The following PAK3 variants were observed in gnomAD, a reference collection of about 807,000 sequenced individuals.
The protein encoded by PAK3 is p21 (RAC1) activated kinase 3.
A neutral mutation model predicts 41.0 loss-of-function variants in PAK3; 4 were observed. The observed-to-expected ratio is 0.10, with a 90% confidence interval of 0.05 to 0.22. The LOEUF (loss-of-function observed/expected upper bound fraction) is 0.22, where lower values mean the gene tolerates loss of function less well. PAK3 is among the 10% of genes least tolerant of loss of function. PAK3 has a pLI of 1.00. For synonymous variants in PAK3, 146 were observed against 139.6 expected, an observed-to-expected ratio of 1.05 and a Z score of -0.32; for missense variants, 205 against 409.9, an observed-to-expected ratio of 0.50 and a Z score of 4.32.
chrX:111,057,119 AAAAC>A (rs1569291154), intron 1 of PAK3, among the ~76,000 whole-genome samples: 1 of 111,776 alleles, frequency 8.9e-6, no homozygotes, highest in East Asian at 2.8e-4. Context: ...CTGCAAGAAA[AAAAC>A]AAACAATCCC....
chrX:111,141,612 A>G (rs1483348968), intron 5 of PAK3, among the ~76,000 whole-genome samples: 1 of 112,359 alleles, frequency 8.9e-6, no homozygotes, highest in African/African-American at 3.2e-5. Flanking sequence ...GGTTAATAAT[A>G]GAAACATGTT....
chrX:111,067,450 T>G (rs985546983), intron 1 of PAK3, among the ~76,000 whole-genome samples: 7 of 111,658 alleles, frequency 6.3e-5, no homozygotes, highest in African/African-American at 9.7e-5. Context: ...TCACACAGCT[T>G]GGATGGAACC....
Position 111,210,578 on chromosome X carries a change from T to C in PAK3, c.1408-5843T>C, listed in dbSNP as rs1052786902. On this transcript the variant is annotated intron_variant, in intron 16 of 17. Transcript: ENST00000372007. ...TTTAGGTTCTGAGCTTTAATACTTA[T>C]GTATATAAGTCTGTTATAGTCTCAG... Among the ~76,000 whole-genome samples, 4 of 112,155 alleles carry C rather than the reference T, an allele frequency of 3.6e-5. No individual in the cohort carries two copies. The Admixed American group carries it at 3.8e-4, about 11-fold the overall frequency.
intron 1 of PAK3, among the ~76,000 whole-genome samples, chrX:111,026,081 A>T (rs1475761345): frequency 8.9e-6 from 1 of 111,808 alleles, no homozygotes; most frequent in Non-Finnish European, 1.9e-5. Flanking sequence ...ATAGATGCAG[A>T]AAAAGCATTT....
intron 4 of PAK3, among the ~76,000 whole-genome samples, chrX:111,114,452 T>C (rs773899030): frequency 4.5e-5 from 5 of 112,334 alleles, no homozygotes; most frequent in Non-Finnish European, 9.4e-5. Context: ...AGTACCTCTC[T>C]GTTTTGGGCT....
chrX:111,057,583 C>A (rs989441876), intron 1 of PAK3, among the ~76,000 whole-genome samples: 2 of 111,841 alleles, frequency 1.8e-5, no homozygotes, highest in African/African-American at 6.5e-5. Context: ...ATCCAGTTAA[C>A]ATTCAAATTT....
At chrX:111,154,991 T>C (rs1444532003) in intron 8 of PAK3, among the ~76,000 whole-genome samples, 1 of 111,875 alleles carries the variant, frequency 8.9e-6, no homozygotes, top group South Asian at 3.8e-4. Flanking sequence ...ATTGGTTCTA[T>C]TGGTTTTGCT....
intron 1 of PAK3, among the ~76,000 whole-genome samples, chrX:110,975,230 C>G (rs2091303621): frequency 1.8e-5 from 2 of 112,159 alleles, no homozygotes; most frequent in Non-Finnish European, 3.8e-5. Context: ...AGCCCAAAAT[C>G]TCCTTAAGCA....
At chrX:111,145,800 G>A (rs1399979741) in intron 6 of PAK3, among the ~76,000 whole-genome samples, 1 of 111,803 alleles carries the variant, frequency 8.9e-6, no homozygotes, top group African/African-American at 3.2e-5. Context: ...TGGGAAGTGG[G>A]ATTTTAGAAC....
At chrX:110,956,716 C>A (rs1023553872) in intron 1 of PAK3, among the ~76,000 whole-genome samples, 2 of 111,519 alleles carry the variant, frequency 1.8e-5, no homozygotes, top group East Asian at 2.8e-4. Flanking sequence ...TTGCCCTCCC[C>A]ACGCCTCCCC....
Position 111,152,351 on chromosome X carries a change from G to A in PAK3, c.431-59G>A, listed in dbSNP as rs12116372. On this transcript the variant is annotated intron_variant, in intron 7 of 17. Coordinates refer to ENST00000372007, the MANE Select transcript of PAK3 (RefSeq NM_002578.5). ...TTTTAATTTTTATTTTTCTGGTGTG[G>A]TCTCTGAATGAAACATTCTTTATGA... 0.013 allele frequency: 9,784 copies of A among 764,485 alleles called. 644 individuals carry two copies. In the African/African-American group the frequency reaches 0.18, roughly 14 times the overall value. The allele number at this position is 764,485 out of a possible 1,213,427, so 63.0% of individuals were successfully genotyped here.
chrX:111,042,753 C>T (rs1205434779), intron 1 of PAK3, among the ~76,000 whole-genome samples: 1 of 112,383 alleles, frequency 8.9e-6, no homozygotes, highest in Non-Finnish European at 1.9e-5. Flanking sequence ...TGCCTTTGCC[C>T]AGGCTCTGCC....
chrX:111,211,961 G>A (rs2149384254), intron 16 of PAK3, among the ~76,000 whole-genome samples: 1 of 111,623 alleles, frequency 9.0e-6, no homozygotes, highest in Non-Finnish European at 1.9e-5. Flanking sequence ...TGTAACTTTG[G>A]AACCATCTGA....
In PAK3 at chrX:111,044,638, C is replaced by T. The variant is rs1458771872; in HGVS notation, c.-27-78439C>T. On this transcript the variant is annotated intron_variant, in intron 1 of 14. Transcript: ENST00000425146. ...TGGCCTAATTACCATGAATGATCAA[C>T]GAGGTCTCCTCTGCCGTCTGCCATT... Among the ~76,000 whole-genome samples, 3 of 111,930 alleles carry T rather than the reference C, an allele frequency of 2.7e-5. No individual in the cohort carries two copies. In the South Asian group the frequency reaches 1.1e-3, roughly 42 times the overall value.
intron 8 of PAK3, among the ~76,000 whole-genome samples, chrX:111,159,216 A>C (rs1454193374): frequency 8.9e-6 from 1 of 112,056 alleles, no homozygotes; most frequent in African/African-American, 3.2e-5. Context: ...GCTAAATATG[A>C]AAATCAAACC....
At chrX:111,001,761 C>T (rs774464837) in intron 1 of PAK3, among the ~76,000 whole-genome samples, 21 of 111,270 alleles carry the variant, frequency 1.9e-4, no homozygotes, top group Non-Finnish European at 3.2e-4. Flanking sequence ...CAGGTACCAG[C>T]GGGGTTTCCT....
intron 8 of PAK3, among the ~76,000 whole-genome samples, chrX:111,157,752 A>T (rs1196119608): frequency 9.3e-6 from 1 of 107,273 alleles, no homozygotes; most frequent in East Asian, 2.9e-4. Context: ...GTGCCATTGC[A>T]CTCCAGCCTG....
At chrX:111,058,819 C>T (rs1461622100) in intron 1 of PAK3, among the ~76,000 whole-genome samples, 1 of 111,794 alleles carries the variant, frequency 8.9e-6, no homozygotes, top group Non-Finnish European at 1.9e-5. Context: ...AGGTCTTTGA[C>T]CATTTCAAGT....
At chrX:111,151,028 A>G (rs2094019469) in intron 7 of PAK3, among the ~76,000 whole-genome samples, 1 of 111,882 alleles carries the variant, frequency 8.9e-6, no homozygotes, top group Non-Finnish European at 1.9e-5. Context: ...CCAAACTGCT[A>G]AATTGGACTA....
Sources: gnomAD v4.1 joint callset for allele counts (sites outside exome capture counted in the v4.1 genomes callset) on GRCh38, gnomAD v4.1.1 for gene constraint, MANE v1.5 for transcripts, NCBI Gene and HGNC (gene_info 2026-07-23, HGNC 2026-07-21) for gene names.